The following DISP3 variants were observed in gnomAD, a reference collection of about 807,000 sequenced individuals.
The protein encoded by DISP3 is dispatched RND transporter family member 3, also known as protein dispatched homolog 3.
DISP3 carries 101 observed loss-of-function variants against 135.3 expected under a neutral mutation model. That is an observed-to-expected ratio of 0.75 (90% CI 0.64 to 0.88). DISP3 has a LOEUF of 0.88. DISP3 is among the 40% of genes least tolerant of loss of function. The pLI is 0.00. For synonymous variants in DISP3, 856 were observed against 817.0 expected (o/e 1.05, Z -0.81); for missense variants, 1,713 against 1,878.6 (o/e 0.91, Z 1.63).
intron 1 of DISP3, among the ~76,000 whole-genome samples, chr1:11,496,282 T>G (rs1641330082): frequency 6.6e-6 from 1 of 152,190 alleles, no homozygotes. Flanking sequence ...GTTGGTTTCG[T>G]GGATATGCAT....
intron 10 of DISP3, among the ~76,000 whole-genome samples, chr1:11,522,639 AGCCCAGCCAGG>A (rs1437731422): frequency 2.9e-3 from 145 of 50,022 alleles, no homozygotes; most frequent in Middle Eastern, 0.013. Context: ...GCCCAGCCAG[AGCCCAGCCAGG>A]GCCCAGCCAG....
chr1:11,513,784 T>G (rs1641924280), intron 3 of DISP3, among the ~76,000 whole-genome samples: 1 of 152,176 alleles, frequency 6.6e-6, no homozygotes, highest in East Asian at 1.9e-4. Context: ...CTCATTTTGT[T>G]TCTCATCTCT....
At position 11,531,115 on chromosome 1, in the gene DISP3, C is replaced by T. The variant is rs1642565920; in HGVS notation, c.3229+82C>T. 6.3e-7 allele frequency: 1 copy of T among 1,579,968 alleles called. No homozygotes were observed. The highest frequency in any genetic ancestry group is 1.3e-5 in the African/African-American group (1 of 74,450). On this transcript the variant is annotated intron_variant, in intron 16 of 20. Coordinates refer to ENST00000294484, the MANE Select transcript of DISP3 (RefSeq NM_020780.2). This position sits in a 1 kb window ranked among gnomAD's most constrained non-coding sequence, Gnocchi z 5.2. The stretch of plus-strand genomic sequence containing the variant: ...CACAGAGGCCGTGGTCCAAGGTAGA[C>T]AGCCCGAAGGACAGTGTCTGGCATG...
intron 1 of DISP3, among the ~76,000 whole-genome samples, chr1:11,493,125 A>T (rs1641233472): frequency 6.6e-6 from 1 of 152,184 alleles, no homozygotes; most frequent in African/African-American, 2.4e-5. Context: ...AAGCCCCAAG[A>T]TCTGCAGGCA....
At chr1:11,521,282 G>A (rs1642181893) in intron 10 of DISP3, among the ~76,000 whole-genome samples, 1 of 145,796 alleles carries the variant, frequency 6.9e-6, no homozygotes, top group South Asian at 2.2e-4. Context: ...GGTCAACCAG[G>A]TGGGGAGGGG....
chr1:11,490,596 TG>T (rs1223912916), intron 1 of DISP3, among the ~76,000 whole-genome samples: 1 of 152,122 alleles, frequency 6.6e-6, no homozygotes, highest in Non-Finnish European at 1.5e-5. Flanking sequence ...AAGCTTCCAT[TG>T]TCTTTTCCTC....
chr1:11,515,248 G>T lies in DISP3; in HGVS notation c.1454-121G>T, dbSNP rs1028063193. 9.6e-6 allele frequency: 13 copies of T among 1,360,634 alleles called. No homozygotes were observed. In the African/African-American group the frequency reaches 1.0e-4, roughly 11 times the overall value. 84.3% of individuals were successfully genotyped at this position (1,360,634 alleles called of 1,614,324 possible). On this transcript the variant is annotated intron_variant, in intron 4 of 20. Coordinates refer to ENST00000294484, the MANE Select transcript of DISP3 (RefSeq NM_020780.2). ...CCTGTGCCTGTGCTGGGAACAGAGT[G>T]GTGAATGGTGACCAGGGTTGGGGAG...
At position 11,513,331 on chromosome 1, in the gene DISP3, A is replaced by G. The variant is rs1206319658; in HGVS notation, c.1317-1059A>G. On this transcript the variant is annotated intron_variant, in intron 3 of 20. Transcript: ENST00000294484. ...ATCTCTTTTAGTACAAGTATACTGG[A>G]TATGAATTATTTCAGTTTTTGTCTA... Among the ~76,000 whole-genome samples, 4 of 152,302 alleles carry G rather than the reference A, an allele frequency of 2.6e-5. No individual in the cohort carries two copies. The East Asian group carries it at 7.7e-4, about 29-fold the overall frequency.
intron 1 of DISP3, among the ~76,000 whole-genome samples, chr1:11,485,043 T>C (rs1424937313): frequency 6.6e-6 from 1 of 152,126 alleles, no homozygotes; most frequent in African/African-American, 2.4e-5. Context: ...CCAATTCCTT[T>C]TGCACCAACC....
chr1:11,531,614 G>A lies in DISP3; in HGVS notation c.3279G>A (p.Glu1093=). 1 of 1,613,548 alleles carries A rather than the reference G, an allele frequency of 6.2e-7. No homozygotes were observed. The highest frequency in any genetic ancestry group is 1.1e-5 in the South Asian group (1 of 91,068). The change falls in exon 17 of 21, where the codon GAG becomes GAA. Residue 1093 remains glutamate (E), a synonymous_variant. Coordinates refer to ENST00000294484, the MANE Select transcript of DISP3 (RefSeq NM_020780.2). This position sits in a 1 kb window ranked among gnomAD's most constrained non-coding sequence, Gnocchi z 5.2. The stretch of plus-strand genomic sequence containing the variant: ...AGATGTTGCACCCTGAGTGCAAGGA[G>A]CTGCCCGAGCCCAACCTGCTCCCGG... ...FLQMLHPECK[E]LPEPNLLPGQ...
Position 11,514,320 on chromosome 1 carries a change from G to T in DISP3, c.1317-70G>T. 8 of 1,504,896 alleles carry T rather than the reference G, an allele frequency of 5.3e-6. No homozygotes were observed. The Admixed American group carries it at 1.0e-4, about 19-fold the overall frequency. The allele number at this position is 1,504,896 out of a possible 1,614,324, so 93.2% of individuals were successfully genotyped here. Reference sequence around the variant, plus strand: ...GACAGCTCCTGATACTCCTCTACATGTTCACATGTTCACAGCCATCTCTAA... The same window carrying T: ...GACAGCTCCTGATACTCCTCTACATTTTCACATGTTCACAGCCATCTCTAA... On this transcript the variant is annotated intron_variant, in intron 3 of 20. Transcript: ENST00000294484.
chr1:11,517,985 C>T (rs1642060312), intron 7 of DISP3, among the ~76,000 whole-genome samples: 1 of 152,210 alleles, frequency 6.6e-6, no homozygotes, highest in African/African-American at 2.4e-5. Context: ...GCTTCCAGAT[C>T]CCATGCTCTT....
chr1:11,536,979 G>T lies in DISP3; in HGVS notation c.*293G>T, dbSNP rs956456367. 4.5e-6 allele frequency: 2 copies of T among 439,934 alleles called. No individual in the cohort carries two copies. The highest frequency in any genetic ancestry group is 2.0e-5 in the African/African-American group (1 of 50,408). 27.3% of individuals were successfully genotyped at this position (439,934 alleles called of 1,614,324 possible). A position where few individuals can be genotyped will look rare whatever the true frequency, so the allele number is the denominator to read the frequency against. ...CATGCCCGGTCACCATGGGGGTCAG[G>T]TTATTTTTGTAGGGGGTCTCCCTCT... On this transcript the variant is annotated 3_prime_UTR_variant, in exon 21 of 21. Coordinates refer to ENST00000294484, the MANE Select transcript of DISP3 (RefSeq NM_020780.2). This position sits in a 1 kb window ranked among gnomAD's most constrained non-coding sequence, Gnocchi z 4.3.
chr1:11,497,028 T>C (rs992714923), intron 1 of DISP3, among the ~76,000 whole-genome samples: 4 of 151,874 alleles, frequency 2.6e-5, no homozygotes, highest in Non-Finnish European at 5.9e-5. Flanking sequence ...AGGCACGGGG[T>C]GGGGAGGGTG....
chr1:11,514,253 G>T, intron 3 of DISP3, 137 bp from the exon 4 acceptor site: 1 of 1,032,584 alleles, frequency 9.7e-7, no homozygotes, highest in Non-Finnish European at 1.4e-6. Context: ...AAGCCCCCAG[G>T]TGATTTTGAT....
intron 15 of DISP3, among the ~76,000 whole-genome samples, chr1:11,530,644 G>A (rs936638052): frequency 7.2e-5 from 11 of 152,202 alleles, no homozygotes; most frequent in Middle Eastern, 3.4e-3. Context: ...AAGAAGTCCA[G>A]GTGAGAAGGT....
In DISP3 at chr1:11,529,914, C is replaced by T. The variant is rs367612165; in HGVS notation, c.3057C>T (p.Gly1019=). Residue 1019 remains glycine (G), a synonymous_variant, in exon 15 of 21, where the codon GGC becomes GGT. Transcript: ENST00000294484. The surrounding 1 kb of genome is among the most constrained non-coding windows in gnomAD (Gnocchi z 4.7). ...AMVFVVFGII[G]VNRTRQVDNH... ...TCTTTGTGGTCTTCGGCATTATTGGCGTCAACCGCACTCGGCAGGTGGACA... is the reference window on the plus strand; with the variant it reads ...TCTTTGTGGTCTTCGGCATTATTGGTGTCAACCGCACTCGGCAGGTGGACA... 6.8e-6 allele frequency: 11 copies of T among 1,613,782 alleles called. No individual in the cohort carries two copies. Among genetic ancestry groups the T allele is most frequent in the East Asian group, 6.7e-5 (3 of 44,900 alleles).
chr1:11,527,384 C>T (rs905604845), intron 13 of DISP3, among the ~76,000 whole-genome samples: 6 of 151,992 alleles, frequency 3.9e-5, no homozygotes, highest in Non-Finnish European at 8.8e-5. Flanking sequence ...TCCTTCTCTA[C>T]TAAAAATACA....
At chr1:11,533,256 T>C (rs1480312921) in intron 17 of DISP3, among the ~76,000 whole-genome samples, 1 of 143,878 alleles carries the variant, frequency 7.0e-6, no homozygotes, top group East Asian at 2.0e-4. Context: ...ACTGTTTCTT[T>C]TTTTTTTTTT....
Sources: allele counts gnomAD v4.1 joint callset (sites outside exome capture counted in the v4.1 genomes callset), GRCh38; gene constraint gnomAD v4.1.1; non-coding constraint Gnocchi (gnomAD v3.1); transcripts MANE v1.5; gene names NCBI Gene and HGNC (gene_info 2026-07-23, HGNC 2026-07-21).